Variants in NCAM1 observed in about 807,000 individuals in gnomAD.
NCAM1 encodes the protein antigen recognized by monoclonal antibody 5.1H11.
Under a neutral mutation model 109.8 loss-of-function variants are expected in NCAM1, and 14 were observed. The ratio of observed to expected loss-of-function variants is 0.13; its 90% CI spans 0.08 to 0.20. The LOEUF is 0.20. NCAM1 is among the 10% of genes least tolerant of loss of function. The pLI is 1.00. For synonymous variants in NCAM1, 418 were observed against 442.9 expected, an observed-to-expected ratio of 0.94 and a Z score of 0.70; for missense variants, 774 against 1,109.9, an observed-to-expected ratio of 0.70 and a Z score of 4.30.
At chr11:113,038,879 C>A (rs1555079580) in intron 1 of NCAM1, among the ~76,000 whole-genome samples, 2 of 152,146 alleles carry the variant, frequency 1.3e-5, no homozygotes, top group Non-Finnish European at 2.9e-5. Flanking sequence ...TGGTTCTGTG[C>A]TTTCTTGGGA....
At chr11:113,216,033 A>C (rs1438653408) in intron 8 of NCAM1, among the ~76,000 whole-genome samples, 1 of 152,044 alleles carries the variant, frequency 6.6e-6, no homozygotes, top group African/African-American at 2.4e-5. Context: ...TTTGAATTCT[A>C]TATCTTTTCT....
rs534509458 is a variant in NCAM1, at chr11:113,262,561, T to C, written c.2131+2238T>C. Among the ~76,000 whole-genome samples the C allele has an allele frequency of 2.0e-5, 3 of 152,362 alleles. No individual in the cohort carries two copies. The South Asian group carries it at 6.2e-4, about 32-fold the overall frequency. ...CATTGCTGAGCTTCTGAACTGGCCTTATGGTATTGATACTGCACTGAACCC... is the reference window on the plus strand; with the variant it reads ...CATTGCTGAGCTTCTGAACTGGCCTCATGGTATTGATACTGCACTGAACCC... On this transcript the variant is annotated intron_variant, in intron 17 of 19. Coordinates refer to ENST00000316851, the MANE Select transcript of NCAM1 (RefSeq NM_181351.5).
intron 1 of NCAM1, among the ~76,000 whole-genome samples, chr11:113,199,739 T>C (rs1591409750): frequency 1.4e-5 from 2 of 147,044 alleles, no homozygotes; most frequent in African/African-American, 5.1e-5. Context: ...CATATGTAAC[T>C]AACCTGCACA....
At position 113,159,045 on chromosome 11, in the gene NCAM1, AAGATGAGGGTTTTT is replaced by A. The variant is rs564703181; in HGVS notation, c.53-43329_53-43316del. 2.0e-3 allele frequency among the ~76,000 whole-genome samples: 302 copies of A among 152,334 alleles called. 1 individual carries two copies. Among genetic ancestry groups the A allele is most frequent in the Non-Finnish European group, 3.2e-3 (220 of 68,032 alleles). ...TAAAGCTCAGCATCTCCTTTGATGC[AAGATGAGGGTTTTT>A]AGATACAGTGTAGACCTTTATAGAG... On this transcript the variant is annotated intron_variant, in intron 1 of 19. Transcript: ENST00000316851.
chr11:113,113,780 A>G (rs1186307877), intron 1 of NCAM1, among the ~76,000 whole-genome samples: 1 of 149,192 alleles, frequency 6.7e-6, no homozygotes, highest in East Asian at 2.0e-4. Flanking sequence ...AAAAAAAAAA[A>G]TCTTGATGTG....
intron 14 of NCAM1, among the ~76,000 whole-genome samples, chr11:113,235,891 C>G (rs1006010788): frequency 4.6e-5 from 7 of 152,212 alleles, no homozygotes; most frequent in Admixed American, 2.6e-4. Flanking sequence ...AGCCCTGCTC[C>G]TGTCATACCC....
At chr11:113,212,631 T>C (rs1171153555) in intron 7 of NCAM1, among the ~76,000 whole-genome samples, 1 of 152,238 alleles carries the variant, frequency 6.6e-6, no homozygotes, top group African/African-American at 2.4e-5. Flanking sequence ...CGAATTCAGT[T>C]GTATGGCCAC....
chr11:113,209,490 A>G (rs1245082746), intron 7 of NCAM1, among the ~76,000 whole-genome samples: 1 of 152,244 alleles, frequency 6.6e-6, no homozygotes, highest in Non-Finnish European at 1.5e-5. Context: ...GTAGAAAAAG[A>G]TAGATGCATT....
intron 17 of NCAM1, chr11:113,265,078 G>A: frequency 1.0e-6 from 1 of 985,368 alleles, no homozygotes; most frequent in Non-Finnish European, 1.2e-6. Flanking sequence ...TATTTATACA[G>A]CAGGTTTGGA....
Position 113,257,509 on chromosome 11 carries a change from T to C in NCAM1, c.1953+1508T>C, listed in dbSNP as rs191848037. The stretch of plus-strand genomic sequence containing the variant: ...CTTTATAAATGGTCACTATGGTTAC[T>C]GCTAAGAGGCAGGCTCAGGCTGGAA... On this transcript the variant is annotated intron_variant, in intron 16 of 19. Transcript: ENST00000316851. Among the ~76,000 whole-genome samples the C allele has an allele frequency of 3.3e-4, 51 of 152,342 alleles. 1 individual carries two copies. The East Asian group carries it at 6.0e-3, about 18-fold the overall frequency.
intron 1 of NCAM1, among the ~76,000 whole-genome samples, chr11:113,049,966 C>T (rs1311840958): frequency 4.6e-5 from 7 of 152,146 alleles, no homozygotes; most frequent in Non-Finnish European, 1.0e-4. Flanking sequence ...AGGCATTTGG[C>T]ATGAGTCTGA....
chr11:112,993,372 C>T (rs1245387781), intron 1 of NCAM1, among the ~76,000 whole-genome samples: 2 of 152,150 alleles, frequency 1.3e-5, no homozygotes, highest in Non-Finnish European at 2.9e-5. Flanking sequence ...AACTCACTAT[C>T]ATGAAGATGG....
chr11:113,141,748 G>A (rs781890184), intron 1 of NCAM1, among the ~76,000 whole-genome samples: 10 of 152,072 alleles, frequency 6.6e-5, no homozygotes, highest in Admixed American at 3.3e-4. Flanking sequence ...GTAGTGAGCC[G>A]CCTTGCATAC....
chr11:113,187,543 GTGTGTGTGTGTGTGTGTTTC>G (rs1436968795), intron 1 of NCAM1, among the ~76,000 whole-genome samples: 6 of 127,024 alleles, frequency 4.7e-5, no homozygotes, highest in Non-Finnish European at 9.8e-5. Flanking sequence ...CTGAGGATCT[GTGTGTGTGTGTGTGTGTTTC>G]TGTGTGTGTG....
intron 9 of NCAM1, among the ~76,000 whole-genome samples, chr11:113,222,481 C>A (rs782187895): frequency 1.3e-5 from 2 of 152,222 alleles, no homozygotes; most frequent in Non-Finnish European, 2.9e-5. Context: ...GACTGTCCTC[C>A]CTGTCATTGG....
intron 8 of NCAM1, among the ~76,000 whole-genome samples, chr11:113,221,006 G>C (rs1409854723): frequency 6.6e-6 from 1 of 152,222 alleles, no homozygotes; most frequent in South Asian, 2.1e-4. Flanking sequence ...TTTGGAACAA[G>C]AGCAGTCTGG....
At chr11:113,193,588 G>T (rs1404276630) in intron 1 of NCAM1, among the ~76,000 whole-genome samples, 1 of 152,056 alleles carries the variant, frequency 6.6e-6, no homozygotes, top group Non-Finnish European at 1.5e-5. Context: ...GGGAGGCAGA[G>T]GTTGCAGTGA....
chr11:113,258,429 A>T (rs751329371), intron 16 of NCAM1, among the ~76,000 whole-genome samples: 14 of 152,220 alleles, frequency 9.2e-5, no homozygotes, highest in Non-Finnish European at 2.1e-4. Flanking sequence ...GTCACACTGC[A>T]TGGAATAGAA....
In NCAM1 at chr11:113,277,189, G is replaced by C. The variant is rs572430712; in HGVS notation, c.*1802G>C. The C allele has an allele frequency of 5.0e-6, 2 of 397,182 alleles. No individual in the cohort carries two copies. Among genetic ancestry groups the C allele is most frequent in the East Asian group, 7.1e-5 (2 of 28,018 alleles). The allele number at this position is 397,182 out of a possible 1,614,324, so 24.6% of individuals were successfully genotyped here. Reference sequence around the variant, plus strand: ...AAGGTACAAAGCAGCAAGAGGTTAGGGTGGCAAGGCTGCCTCTGGGTCCAT... The same window carrying C: ...AAGGTACAAAGCAGCAAGAGGTTAGCGTGGCAAGGCTGCCTCTGGGTCCAT... On this transcript the variant is annotated 3_prime_UTR_variant, in exon 20 of 20. Transcript: ENST00000316851.
Sources: allele counts gnomAD v4.1 joint callset (sites outside exome capture counted in the v4.1 genomes callset), GRCh38; gene constraint gnomAD v4.1.1; transcripts MANE v1.5; gene names NCBI Gene and HGNC (gene_info 2026-07-23, HGNC 2026-07-21).